OR10T2: variants seen among roughly 807,000 people sequenced by gnomAD.
The protein encoded by OR10T2 is olfactory receptor family 10 subfamily T member 2.
For synonymous variants in OR10T2, 162 were observed against 144.1 expected, an observed-to-expected ratio of 1.12 and a Z score of -0.89; for missense variants, 416 against 372.3, an observed-to-expected ratio of 1.12 and a Z score of -0.97.
In OR10T2 at chr1:158,399,080, G is replaced by T. The variant is rs1654736812; in HGVS notation, c.387C>A (p.His129Gln). The T allele has an allele frequency of 6.2e-7, 1 of 1,614,102 alleles. No homozygotes were observed. The highest frequency in any genetic ancestry group is 1.3e-5 in the African/African-American group (1 of 75,030). ...TTATGATGAGTGTGTACCTCAGAGG[G>T]TGACAAATTGCTACATAGCGATCAT... ...MGYDRYVAIC[H>Q]PLRYTLIINK... Residue 129 changes from histidine (H) to glutamine (Q), a missense_variant, in exon 1 of 1, where the codon CAC (histidine) becomes CAA (glutamine). His to Gln is a conservative substitution (Grantham distance 24). Coordinates refer to ENST00000334438, the MANE Select transcript of OR10T2 (RefSeq NM_001004475.1).
In OR10T2 at chr1:158,398,607, G is replaced by A. The variant is rs763676593; in HGVS notation, c.860C>T (p.Pro287Leu). Residue 287 changes from proline (P) to leucine (L), a missense_variant, in exon 1 of 1, where the codon CCT becomes CTT. By Grantham distance (98) the Pro-to-Leu change is moderately conservative. Coordinates refer to ENST00000334438, the MANE Select transcript of OR10T2 (RefSeq NM_001004475.1). ...TTTGTTCCTCAGACTGTAGACAAGA[G>A]GATTAAGTAAGGGAGTAACCACTGT... ...TYTVVTPLLN[P>L]LVYSLRNKEV... The A allele has an allele frequency of 2.5e-6, 4 of 1,613,976 alleles. No individual in the cohort carries two copies. The highest frequency in any genetic ancestry group is 1.7e-4 in the Middle Eastern group (1 of 6,060).
chr1:158,399,229 G>A lies in OR10T2; in HGVS notation c.238C>T (p.Pro80Ser). 2 of 1,614,066 alleles carry A rather than the reference G, an allele frequency of 1.2e-6. No homozygotes were observed. Among genetic ancestry groups the A allele is most frequent in the Non-Finnish European group, 1.7e-6 (2 of 1,179,946 alleles). Residue 80 changes from proline to serine, a missense_variant, in exon 1 of 1, where the codon CCT (proline) becomes TCT (serine). Coordinates refer to ENST00000334438, the MANE Select transcript of OR10T2 (RefSeq NM_001004475.1). ...SESCYTFVII[P>S]QLLVHLLSDT... is the part of the protein sequence containing the mutation. ...GAGAGCAGGTGGACCAGCAGCTGAG[G>A]GATGATGACAAAAGTGTAGCAGGAC...
rs1342114813 is a variant in OR10T2 at position 158,398,917 on chromosome 1, G to A, written c.550C>T (p.Pro184Ser). ...RVNHYFCDMAPVIKLACTDTH... is the reference protein window; with the variant it reads ...RVNHYFCDMASVIKLACTDTH... The stretch of plus-strand genomic sequence containing the variant: ...TCAGTGCAGGCTAACTTGATAACAG[G>A]TGCCATGTCACAGAAATAGTGGTTA... The change falls in exon 1 of 1, where the codon CCT becomes TCT. Residue 184 changes from proline (P) to serine (S), a missense_variant. Transcript: ENST00000334438. 6.2e-7 allele frequency: 1 copy of A among 1,613,858 alleles called. No individual in the cohort carries two copies. The highest frequency in any genetic ancestry group is 8.5e-7 in the Non-Finnish European group (1 of 1,179,990).
chr1:158,399,452 G>A lies in OR10T2; in HGVS notation c.15C>T (p.Asn5=). The change falls in exon 1 of 1, where the codon AAC becomes AAT. Residue 5 remains asparagine, a synonymous_variant. Transcript: ENST00000334438. MRGF[N]KTTVVTQFIL... ...TGAACTGTGTAACCACAGTGGTTTT[G>A]TTGAAACCTCGCATCTGAAGAACTT... 1 of 1,600,582 alleles carries A rather than the reference G, an allele frequency of 6.2e-7. No individual in the cohort carries two copies. The highest frequency in any genetic ancestry group is 1.1e-5 in the South Asian group (1 of 89,434).
In OR10T2 at chr1:158,398,807, G is replaced by A. The variant is rs1376861823; in HGVS notation, c.660C>T (p.Gly220=). 2.5e-6 allele frequency: 4 copies of A among 1,614,032 alleles called. No homozygotes were observed. The highest frequency in any genetic ancestry group is 2.2e-5 in the East Asian group (1 of 44,880). ...VPFLLILISY[G]FIVNTILKIP... ...TCTTCAGGATGGTGTTAACTATGAA[G>A]CCATAGGATATGAGAATTAACAGAA... Residue 220 remains glycine, a synonymous_variant, in exon 1 of 1, where the codon GGC becomes GGT. Transcript: ENST00000334438.
Position 158,399,130 on chromosome 1 carries a change from A to C in OR10T2, c.337T>G (p.Cys113Gly). 21 of 1,614,200 alleles carry C rather than the reference A, an allele frequency of 1.3e-5. No individual in the cohort carries two copies. Among genetic ancestry groups the C allele is most frequent in the Non-Finnish European group, 1.8e-5 (21 of 1,180,022 alleles). ...FFFLGFACTN[C>G]LLIAVMGYDR... ...TATCCCATCACAGCAATGAGGAGGC[A>C]GTTGGTGCAAGCAAAGCCAAGGAAA... Residue 113 changes from cysteine (C) to glycine (G), a missense_variant, in exon 1 of 1, where the codon TGC becomes GGC. By Grantham distance (159) the Cys-to-Gly change is radical. Coordinates refer to ENST00000334438, the MANE Select transcript of OR10T2 (RefSeq NM_001004475.1).
At position 158,398,876 on chromosome 1, in the gene OR10T2, C is replaced by A; in HGVS notation, c.591G>T (p.Glu197Asp). ...GGATGCTGAGGCTAAATAAAGCCAG[C>A]TCTTTCACATGGGTGTCAGTGCAGG... ...KLACTDTHVKELALFSLSILV... is the reference protein window; with the variant it reads ...KLACTDTHVKDLALFSLSILV... The change falls in exon 1 of 1, where the codon GAG becomes GAT. Residue 197 changes from glutamate to aspartate, a missense_variant. Physicochemically the swap from Glu to Asp is conservative, Grantham distance 45. Coordinates refer to ENST00000334438, the MANE Select transcript of OR10T2 (RefSeq NM_001004475.1). 6.2e-7 allele frequency: 1 copy of A among 1,614,116 alleles called. No homozygotes were observed. Among genetic ancestry groups the A allele is most frequent in the Non-Finnish European group, 8.5e-7 (1 of 1,180,016 alleles).
At position 158,399,024 on chromosome 1, in the gene OR10T2, A is replaced by G; in HGVS notation, c.443T>C (p.Leu148Pro). 6.2e-7 allele frequency: 1 copy of G among 1,614,196 alleles called. No homozygotes were observed. Among genetic ancestry groups the G allele is most frequent in the Non-Finnish European group, 8.5e-7 (1 of 1,180,040 alleles). Residue 148 changes from leucine to proline, a missense_variant, in exon 1 of 1, where the codon CTC becomes CCC. By Grantham distance (98) the Leu-to-Pro change is moderately conservative. Coordinates refer to ENST00000334438, the MANE Select transcript of OR10T2 (RefSeq NM_001004475.1). ...NKRLGLELIS[L>P]SGATGFFIAL... ...AATAAAGAAACCTGTGGCTCCTGAG[A>G]GAGAAATCAACTCCAACCCCAGCCT...
In OR10T2 at chr1:158,399,329, G is replaced by A. The variant is rs771171421; in HGVS notation, c.138C>T (p.Ile46=). The part of the protein sequence containing the change: ...YLTILVANVT[I]MAVIRFSWTL... Reference sequence around the variant, plus strand: ...TCCAGCTGAAGCGAATAACGGCCATGATGGTCACATTGGCCACCAGGATTG... The same window carrying A: ...TCCAGCTGAAGCGAATAACGGCCATAATGGTCACATTGGCCACCAGGATTG... Residue 46 remains isoleucine (I), a synonymous_variant, in exon 1 of 1, where the codon ATC becomes ATT. Coordinates refer to ENST00000334438, the MANE Select transcript of OR10T2 (RefSeq NM_001004475.1). The A allele has an allele frequency of 1.1e-5, 18 of 1,613,946 alleles. No homozygotes were observed. Among genetic ancestry groups the A allele is most frequent in the Non-Finnish European group, 1.4e-5 (17 of 1,179,858 alleles).
At position 158,399,064 on chromosome 1, in the gene OR10T2, G is replaced by T; in HGVS notation, c.403C>A (p.Leu135Ile). Residue 135 changes from leucine to isoleucine, a missense_variant, in exon 1 of 1, where the codon CTC (leucine) becomes ATC (isoleucine). Transcript: ENST00000334438. ...AACCCCAGCCTTTTGTTTATGATGA[G>T]TGTGTACCTCAGAGGGTGACAAATT... Reference protein sequence around the residue: ...VAICHPLRYTLIINKRLGLEL... With the variant: ...VAICHPLRYTIIINKRLGLEL... 6.2e-7 allele frequency: 1 copy of T among 1,614,162 alleles called. No homozygotes were observed. Among genetic ancestry groups the T allele is most frequent in the East Asian group, 2.2e-5 (1 of 44,868 alleles).
At position 158,399,402 on chromosome 1, in the gene OR10T2, C is replaced by T; in HGVS notation, c.65G>A (p.Gly22Glu). Residue 22 changes from glycine to glutamate, a missense_variant, in exon 1 of 1, where the codon GGG (glycine) becomes GAG (glutamate). Transcript: ENST00000334438. ...GACAAAAAGCAGCAGCTGGAGCTCC[C>T]CCAGGCTGGAGAAACCCACCAGGAT... Reference protein sequence around the residue: ...QFILVGFSSLGELQLLLFVIF... With the variant: ...QFILVGFSSLEELQLLLFVIF... 6.2e-7 allele frequency: 1 copy of T among 1,614,030 alleles called. No individual in the cohort carries two copies. Among genetic ancestry groups the T allele is most frequent in the South Asian group, 1.1e-5 (1 of 91,074 alleles).
rs138453874 is a variant in OR10T2, at chr1:158,399,284, A to G, written c.183T>C (p.Tyr61=). The G allele has an allele frequency of 2.0e-5, 32 of 1,614,034 alleles. No individual in the cohort carries two copies. Among genetic ancestry groups the G allele is most frequent in the Non-Finnish European group, 2.6e-5 (31 of 1,180,018 alleles). The change falls in exon 1 of 1, where the codon TAT becomes TAC. Residue 61 remains tyrosine (Y), a synonymous_variant. Transcript: ENST00000334438. The part of the protein sequence containing the change: ...RFSWTLHTPM[Y]GFLFILSFSE... ...AAAATGAAAGGATGAATAGAAAGCC[A>G]TACATGGGAGTGTGGAGAGTCCAGC...
At position 158,399,448 on chromosome 1, in the gene OR10T2, T is replaced by C. The variant is rs745512242; in HGVS notation, c.19A>G (p.Thr7Ala). ...AGGATGAACTGTGTAACCACAGTGG[T>C]TTTGTTGAAACCTCGCATCTGAAGA... Reference protein sequence around the residue: MRGFNKTTVVTQFILVG... With the variant: MRGFNKATVVTQFILVG... The change falls in exon 1 of 1, where the codon ACC becomes GCC. Residue 7 changes from threonine (T) to alanine (A), a missense_variant. Physicochemically the swap from Thr to Ala is moderately conservative, Grantham distance 58. Coordinates refer to ENST00000334438, the MANE Select transcript of OR10T2 (RefSeq NM_001004475.1). 64 of 1,602,862 alleles carry C rather than the reference T, an allele frequency of 4.0e-5. No individual in the cohort carries two copies. The highest frequency in any genetic ancestry group is 5.3e-5 in the Non-Finnish European group (62 of 1,173,760).
In OR10T2 at chr1:158,398,619, G is replaced by T. The variant is rs758256313; in HGVS notation, c.848C>A (p.Pro283His). The T allele has an allele frequency of 6.2e-6, 10 of 1,613,852 alleles. No homozygotes were observed. Among genetic ancestry groups the T allele is most frequent in the Non-Finnish European group, 8.5e-6 (10 of 1,179,922 alleles). Reference protein sequence around the residue: ...LVAVTYTVVTPLLNPLVYSLR... With the variant: ...LVAVTYTVVTHLLNPLVYSLR... Reference sequence around the variant, plus strand: ...ACTGTAGACAAGAGGATTAAGTAAGGGAGTAACCACTGTGTAGGTCACTGC... The same window carrying T: ...ACTGTAGACAAGAGGATTAAGTAAGTGAGTAACCACTGTGTAGGTCACTGC... Residue 283 changes from proline (P) to histidine (H), a missense_variant, in exon 1 of 1, where the codon CCC (proline) becomes CAC (histidine). Transcript: ENST00000334438.
rs372261442 is a variant in OR10T2, at chr1:158,399,444, G to A, written c.23C>T (p.Thr8Ile). The change falls in exon 1 of 1, where the codon ACT (threonine) becomes ATT (isoleucine). Residue 8 changes from threonine (T) to isoleucine (I), a missense_variant. Physicochemically the swap from Thr to Ile is moderately conservative, Grantham distance 89. Coordinates refer to ENST00000334438, the MANE Select transcript of OR10T2 (RefSeq NM_001004475.1). ...CACCAGGATGAACTGTGTAACCACA[G>A]TGGTTTTGTTGAAACCTCGCATCTG... MRGFNKT[T>I]VVTQFILVGF... is the part of the protein sequence containing the mutation. 48 of 1,606,940 alleles carry A rather than the reference G, an allele frequency of 3.0e-5. No homozygotes were observed. The African/African-American group carries it at 5.9e-4, about 20-fold the overall frequency.
Position 158,399,378 on chromosome 1 carries a change from A to G in OR10T2, c.89T>C (p.Val30Ala). 6.2e-7 allele frequency: 1 copy of G among 1,614,108 alleles called. No individual in the cohort carries two copies. The highest frequency in any genetic ancestry group is 1.3e-5 in the African/African-American group (1 of 75,046). The change falls in exon 1 of 1, where the codon GTC becomes GCC. Residue 30 changes from valine to alanine, a missense_variant. Val to Ala is a moderately conservative substitution (Grantham distance 64, BLOSUM62 0). Transcript: ENST00000334438. ...SLGELQLLLF[V>A]IFLLLYLTIL... ...TGTCAAGTATAGGAGAAGAAAGATG[A>G]CAAAAAGCAGCAGCTGGAGCTCCCC...
rs1312932021 is a variant in OR10T2, at chr1:158,398,647, C to G, written c.820G>C (p.Val274Leu). The G allele has an allele frequency of 6.2e-7, 1 of 1,613,832 alleles. No individual in the cohort carries two copies. Among genetic ancestry groups the G allele is most frequent in the Admixed American group, 1.7e-5 (1 of 59,988 alleles). ...GTAACCACTGTGTAGGTCACTGCCA[C>G]CAACTGATCCTTGTCTGAGGCAGAC... ...SKSASDKDQLVAVTYTVVTPL... is the reference protein window; with the variant it reads ...SKSASDKDQLLAVTYTVVTPL... The change falls in exon 1 of 1, where the codon GTG (valine) becomes CTG (leucine). Residue 274 changes from valine to leucine, a missense_variant. Physicochemically the swap from Val to Leu is conservative, Grantham distance 32 (BLOSUM62 1). Transcript: ENST00000334438.
At position 158,398,768 on chromosome 1, in the gene OR10T2, C is replaced by T. The variant is rs1371198421; in HGVS notation, c.699G>A (p.Glu233=). The part of the protein sequence containing the change: ...VNTILKIPSA[E]GKKAFVTCAS... ...CACAGGTGACAAAGGCCTTCTTGCC[C>T]TCAGCTGAGGGGATCTTCAGGATGG... The change falls in exon 1 of 1, where the codon GAG becomes GAA. Residue 233 remains glutamate, a synonymous_variant. Transcript: ENST00000334438. The T allele has an allele frequency of 6.2e-7, 1 of 1,614,028 alleles. No homozygotes were observed. The highest frequency in any genetic ancestry group is 8.5e-7 in the Non-Finnish European group (1 of 1,179,964).
rs751322689 is a variant in OR10T2, at chr1:158,398,630, T to C, written c.837A>G (p.Thr279=). 1.6e-5 allele frequency: 26 copies of C among 1,613,604 alleles called. No individual in the cohort carries two copies. Among genetic ancestry groups the C allele is most frequent in the Non-Finnish European group, 1.9e-5 (23 of 1,179,514 alleles). ...GAGGATTAAGTAAGGGAGTAACCAC[T>C]GTGTAGGTCACTGCCACCAACTGAT... is the stretch of plus-strand genomic sequence containing the variant. ...DKDQLVAVTY[T]VVTPLLNPLV... is the part of the protein sequence containing the mutation. Residue 279 remains threonine (T), a synonymous_variant, in exon 1 of 1, where the codon ACA becomes ACG. Transcript: ENST00000334438.
Sources: gnomAD v4.1 joint callset for allele counts on GRCh38, gnomAD v4.1.1 for gene constraint, MANE v1.5 for transcripts, NCBI Gene and HGNC (gene_info 2026-07-23, HGNC 2026-07-21) for gene names.